The following CDKAL1 variants were observed in gnomAD, a reference collection of about 807,000 sequenced individuals.
The protein encoded by CDKAL1 is threonylcarbamoyladenosine tRNA methylthiotransferase.
In CDKAL1, 32 loss-of-function variants were observed where a neutral mutation model predicts 68.2. The ratio of observed to expected loss-of-function variants is 0.47; its 90% CI spans 0.35 to 0.63. The LOEUF (loss-of-function observed/expected upper bound fraction) is 0.63. Among genes scored for constraint, CDKAL1 ranks in the 30% least tolerant of loss-of-function variants. The pLI is 0.00. For synonymous variants in CDKAL1, 234 were observed against 244.3 expected, an observed-to-expected ratio of 0.96 and a Z score of 0.39; for missense variants, 606 against 696.7, an observed-to-expected ratio of 0.87 and a Z score of 1.47.
At chr6:20,989,168 G>A (rs1410583771) in intron 10 of CDKAL1, among the ~76,000 whole-genome samples, 1 of 151,972 alleles carries the variant, frequency 6.6e-6, no homozygotes, top group African/African-American at 2.4e-5. Flanking sequence ...CATAGCATCA[G>A]GAGTCAAATG....
intron 6 of CDKAL1, among the ~76,000 whole-genome samples, chr6:20,747,392 T>G (rs1017399185): frequency 6.6e-6 from 1 of 152,202 alleles, no homozygotes; most frequent in Non-Finnish European, 1.5e-5. Context: ...TTTTTAAGTC[T>G]TTGAGGAATC....
chr6:21,200,098 C>G (rs1441531292), intron 14 of CDKAL1, among the ~76,000 whole-genome samples: 1 of 152,188 alleles, frequency 6.6e-6, no homozygotes, highest in East Asian at 1.9e-4. Context: ...TAGAACTGGT[C>G]TATTTATTTT....
intron 10 of CDKAL1, 101 bp from the exon 11 acceptor site, chr6:21,000,126 A>T: frequency 6.1e-6 from 5 of 815,730 alleles, no homozygotes; most frequent in Non-Finnish European, 9.8e-6. Flanking sequence ...GTCTGTTTTC[A>T]GCTAGTATGT....
At position 21,160,735 on chromosome 6, in the gene CDKAL1, T is replaced by C. The variant is rs78791730; in HGVS notation, c.1300-37286T>C. ...TATTTTTTAACTTTAATTTCTGGTA[T>C]ACGTGTGCAGAACATACAGGTTTGT... On this transcript the variant is annotated intron_variant, in intron 13 of 15. Coordinates refer to ENST00000274695, the MANE Select transcript of CDKAL1 (RefSeq NM_017774.3). Among the ~76,000 whole-genome samples, 1,291 of 149,950 alleles carry C rather than the reference T, an allele frequency of 8.6e-3. 11 individuals carry two copies. Among genetic ancestry groups the C allele is most frequent in the African/African-American group, 0.022 (918 of 40,920 alleles).
intron 6 of CDKAL1, among the ~76,000 whole-genome samples, chr6:20,753,740 AC>A (rs1275441171): frequency 7.0e-6 from 1 of 143,380 alleles, no homozygotes; most frequent in Non-Finnish European, 1.6e-5. Flanking sequence ...GCTATTATGA[AC>A]ATTTGTGTAC....
At chr6:20,772,592 G>T (rs1774993138) in intron 7 of CDKAL1, among the ~76,000 whole-genome samples, 1 of 152,134 alleles carries the variant, frequency 6.6e-6, no homozygotes, top group South Asian at 2.1e-4. Flanking sequence ...TGTATCCTTT[G>T]TTTAATGTAA....
intron 13 of CDKAL1, among the ~76,000 whole-genome samples, chr6:21,163,089 A>G (rs4995985): frequency 4.6e-4 from 70 of 152,338 alleles, no homozygotes; most frequent in Middle Eastern, 3.4e-3. Flanking sequence ...AATATTAGGA[A>G]TCAACTCCCT....
At chr6:20,934,974 C>A (rs1763635745) in intron 9 of CDKAL1, among the ~76,000 whole-genome samples, 1 of 149,320 alleles carries the variant, frequency 6.7e-6, no homozygotes, top group African/African-American at 2.5e-5. Flanking sequence ...CGGCTCACTG[C>A]AACCTCTGGC....
chr6:21,070,303 A>T (rs2150941386), intron 12 of CDKAL1, among the ~76,000 whole-genome samples: 2 of 150,098 alleles, frequency 1.3e-5, no homozygotes, highest in East Asian at 2.0e-4. Flanking sequence ...TTTATTTTGT[A>T]CTGTCTCTGT....
intron 4 of CDKAL1, among the ~76,000 whole-genome samples, chr6:20,556,049 T>C (rs1281301024): frequency 1.3e-5 from 2 of 152,078 alleles, no homozygotes; most frequent in Non-Finnish European, 2.9e-5. Context: ...TTAATTTCAG[T>C]GCTGAGTTGG....
chr6:20,973,955 AT>A (rs907723469), intron 10 of CDKAL1, among the ~76,000 whole-genome samples: 4 of 152,218 alleles, frequency 2.6e-5, no homozygotes, highest in African/African-American at 9.6e-5. Context: ...TTAAGAAATT[AT>A]TGTTGTAGAC....
At chr6:21,122,961 A>G (rs1249003861) in intron 13 of CDKAL1, among the ~76,000 whole-genome samples, 1 of 152,058 alleles carries the variant, frequency 6.6e-6, no homozygotes, top group Non-Finnish European at 1.5e-5. Context: ...TAATTGCTTT[A>G]AAAAGAGGAG....
At chr6:20,586,716 G>C (rs1765371245) in intron 4 of CDKAL1, among the ~76,000 whole-genome samples, 1 of 152,190 alleles carries the variant, frequency 6.6e-6, no homozygotes, top group African/African-American at 2.4e-5. Context: ...AAGTACTTCA[G>C]ATCCGGCTAG....
chr6:21,150,654 T>C (rs752601324), intron 13 of CDKAL1, among the ~76,000 whole-genome samples: 9 of 152,228 alleles, frequency 5.9e-5, no homozygotes, highest in Non-Finnish European at 1.0e-4. Context: ...TCAAGTCCAC[T>C]TGATATTTAA....
intron 13 of CDKAL1, among the ~76,000 whole-genome samples, chr6:21,124,506 T>G (rs892330180): frequency 2.0e-5 from 3 of 152,002 alleles, no homozygotes; most frequent in Non-Finnish European, 2.9e-5. Flanking sequence ...CCTCGATGAA[T>G]ATTACATCTC....
rs56773271 is a variant in CDKAL1 at position 20,789,264 on chromosome 6, T to C, written c.638+7999T>C. Among the ~76,000 whole-genome samples, 1,306 of 152,356 alleles carry C rather than the reference T, an allele frequency of 8.6e-3. 14 individuals carry two copies. Among genetic ancestry groups the C allele is most frequent in the African/African-American group, 0.029 (1,196 of 41,582 alleles). On this transcript the variant is annotated intron_variant, in intron 8 of 15. Coordinates refer to ENST00000274695, the MANE Select transcript of CDKAL1 (RefSeq NM_017774.3). ...ATATCTTATTTTCACTAAAATATTA[T>C]ACAAATGAAATTTTAAAGTAATATT... is the stretch of plus-strand genomic sequence containing the variant.
chr6:21,059,359 T>A (rs1317277824), intron 11 of CDKAL1, among the ~76,000 whole-genome samples: 1 of 152,338 alleles, frequency 6.6e-6, no homozygotes, highest in South Asian at 2.1e-4. Context: ...TCCAGCTTGC[T>A]GCTGCTGGCT....
At chr6:21,132,642 A>C (rs926260288) in intron 13 of CDKAL1, among the ~76,000 whole-genome samples, 6 of 152,144 alleles carry the variant, frequency 3.9e-5, no homozygotes, top group African/African-American at 1.4e-4. Context: ...TTTAGATAAC[A>C]CATTTAAGTT....
At chr6:20,601,429 A>G (rs543095297) in intron 4 of CDKAL1, among the ~76,000 whole-genome samples, 2 of 152,328 alleles carry the variant, frequency 1.3e-5, no homozygotes, top group Non-Finnish European at 2.9e-5. Flanking sequence ...AGTTTTAACA[A>G]AAGTTTTTCT....
Sources: allele counts gnomAD v4.1 joint callset (sites outside exome capture counted in the v4.1 genomes callset), GRCh38; gene constraint gnomAD v4.1.1; transcripts MANE v1.5; gene names NCBI Gene and HGNC (gene_info 2026-07-23, HGNC 2026-07-21).